The following NF1 variants were observed in gnomAD, a reference collection of about 807,000 sequenced individuals.
NF1 encodes neurofibromin.
In NF1, 122 loss-of-function variants were observed where a neutral mutation model predicts 325.7. That is an observed-to-expected ratio of 0.37 (90% CI 0.32 to 0.44). The LOEUF (loss-of-function observed/expected upper bound fraction) is 0.44. Ranked by LOEUF, NF1 falls within the 20% of genes least tolerant of loss-of-function variation. The pLI is 1.00. For missense variants in NF1, 2,140 were observed against 3,415.4 expected, an observed-to-expected ratio of 0.63 and a Z score of 9.31; for synonymous variants, 1,091 against 1,186.0, an observed-to-expected ratio of 0.92 and a Z score of 1.65.
rs1597858484 is a variant in NF1 at position 31,349,188 on chromosome 17, G to A, written c.7258G>A (p.Val2420Ile). ...VRILHTLLTL[V>I]NKHRNCDKFE... The stretch of plus-strand genomic sequence containing the variant: ...AATTTTACATACACTACTAACTCTG[G>A]TTAACAAACACAGAAATTGTGACAA... Residue 2420 changes from valine (V) to isoleucine (I), a missense_variant, in exon 49 of 58, where the codon GTT becomes ATT. Val to Ile is a conservative substitution (Grantham distance 29). Around this residue, in one of 10 missense-constraint regions of NF1, gnomAD observed 522 missense variants for 749.0 expected, o/e 0.70. Coordinates refer to ENST00000358273, the MANE Select transcript of NF1 (RefSeq NM_001042492.3). 1 of 1,613,348 alleles carries A rather than the reference G, an allele frequency of 6.2e-7. No individual in the cohort carries two copies. Among genetic ancestry groups the A allele is most frequent in the Non-Finnish European group, 8.5e-7 (1 of 1,179,654 alleles).
intron 24 of NF1, 76 bp downstream of exon 24, chr17:31,231,001 T>C: frequency 8.9e-7 from 1 of 1,126,412 alleles, no homozygotes; most frequent in African/African-American, 1.5e-5. Flanking sequence ...AGCTTTATAC[T>C]TGTATTTTGT....
In NF1 at chr17:31,249,027, C is replaced by T. The variant is rs876658268; in HGVS notation, c.4018C>T (p.Leu1340Phe). The change falls in exon 30 of 58, where the codon CTT becomes TTT. Residue 1340 changes from leucine to phenylalanine, a missense_variant. Coordinates refer to ENST00000358273, the MANE Select transcript of NF1 (RefSeq NM_001042492.3). Reference protein sequence around the residue: ...ESLEENQRNLLQMTEKFFHAI... With the variant: ...ESLEENQRNLFQMTEKFFHAI... The stretch of plus-strand genomic sequence containing the variant: ...CCTTGAGGAAAACCAGCGGAACCTC[C>T]TTCAGATGACTGAAAAGTTCTTCCA... The T allele has an allele frequency of 6.2e-7, 1 of 1,614,110 alleles. No individual in the cohort carries two copies. The highest frequency in any genetic ancestry group is 8.5e-7 in the Non-Finnish European group (1 of 1,179,994).
chr17:31,172,717 G>C (rs1021766646), intron 5 of NF1, among the ~76,000 whole-genome samples: 1 of 152,146 alleles, frequency 6.6e-6, no homozygotes, highest in Non-Finnish European at 1.5e-5. Flanking sequence ...CTAGATACTT[G>C]ACTGCTGCAC....
At chr17:31,183,586 T>A (rs1236326036) in intron 8 of NF1, 1 of 152,292 alleles carries the variant, frequency 6.6e-6, no homozygotes. Context: ...AATAGTAGGT[T>A]TGATGATAAA....
At chr17:31,287,144 T>C (rs1339163793) in intron 36 of NF1, among the ~76,000 whole-genome samples, 1 of 152,234 alleles carries the variant, frequency 6.6e-6, no homozygotes, top group Non-Finnish European at 1.5e-5. Flanking sequence ...GAAGCATAAC[T>C]GAAGATGTCA....
Position 31,219,099 on chromosome 17 carries a change from T to G in NF1, c.1622T>G (p.Ile541Ser). The change falls in exon 14 of 58, where the codon ATT (isoleucine) becomes AGT (serine). Residue 541 changes from isoleucine to serine, a missense_variant. Physicochemically the swap from Ile to Ser is moderately radical, Grantham distance 142. Around this residue, in one of 10 missense-constraint regions of NF1, gnomAD observed 179 missense variants for 381.0 expected, o/e 0.47. Coordinates refer to ENST00000358273, the MANE Select transcript of NF1 (RefSeq NM_001042492.3). ...GTCCCTCAGTCACACATGCCAGAGA[T>G]TGCTCAGGAAGCAATGGAGGTAAGG... Reference protein sequence around the residue: ...QLVPQSHMPEIAQEAMEALLV... With the variant: ...QLVPQSHMPESAQEAMEALLV... The G allele has an allele frequency of 6.2e-7, 1 of 1,613,562 alleles. No individual in the cohort carries two copies. The highest frequency in any genetic ancestry group is 8.5e-7 in the Non-Finnish European group (1 of 1,179,798).
At chr17:31,176,665 A>G (rs983920258) in intron 5 of NF1, among the ~76,000 whole-genome samples, 2 of 152,146 alleles carry the variant, frequency 1.3e-5, no homozygotes, top group African/African-American at 2.4e-5. Flanking sequence ...TCTTTAATCT[A>G]TCTTGAGTTA....
intron 25 of NF1, 109 bp downstream of exon 25, chr17:31,232,298 C>T: frequency 2.7e-6 from 2 of 742,556 alleles, no homozygotes; most frequent in Non-Finnish European, 4.7e-6. Context: ...AGGAAAATAA[C>T]TGTGTTTTGT....
chr17:31,181,987 A>G (rs1404878007), intron 7 of NF1, among the ~76,000 whole-genome samples: 1 of 152,148 alleles, frequency 6.6e-6, no homozygotes. Context: ...CTTGGAGCAA[A>G]CAAAGTAGTT....
At chr17:31,306,800 A>T (rs1215625658) in intron 36 of NF1, among the ~76,000 whole-genome samples, 14 of 150,378 alleles carry the variant, frequency 9.3e-5, no homozygotes, top group African/African-American at 2.9e-4. Flanking sequence ...AGGAGATTAA[A>T]AAAAAAAAAA....
intron 13 of NF1, among the ~76,000 whole-genome samples, chr17:31,217,813 A>C (rs2066846458): frequency 6.6e-6 from 1 of 151,322 alleles, no homozygotes; most frequent in African/African-American, 2.4e-5. Flanking sequence ...AATAATGCAA[A>C]AATTAGCTAG....
chr17:31,151,971 G>T (rs1916972989), intron 1 of NF1, among the ~76,000 whole-genome samples: 1 of 152,092 alleles, frequency 6.6e-6, no homozygotes, highest in Admixed American at 6.5e-5. Flanking sequence ...CCATGTTGGT[G>T]TGCTGCACCC....
intron 48 of NF1, among the ~76,000 whole-genome samples, chr17:31,344,843 C>T (rs2069929255): frequency 6.6e-6 from 1 of 152,194 alleles, no homozygotes; most frequent in South Asian, 2.1e-4. Context: ...GAGGCTGAGG[C>T]AGGTGGATTG....
At position 31,305,723 on chromosome 17, in the gene NF1, G is replaced by A. The variant is rs929550361; in HGVS notation, c.4836-20097G>A. On this transcript the variant is annotated intron_variant, in intron 36 of 57. Transcript: ENST00000358273. ...TTTTCATTATGATTCCTGGCATAAAGTAGGTAGACATTATTCCTAATTAGT... is the reference window on the plus strand; with the variant it reads ...TTTTCATTATGATTCCTGGCATAAAATAGGTAGACATTATTCCTAATTAGT... 2.3e-5 allele frequency: 24 copies of A among 1,058,442 alleles called. No individual in the cohort carries two copies. In the African/African-American group the frequency reaches 3.5e-4, roughly 16 times the overall value. The allele number at this position is 1,058,442 out of a possible 1,614,324, so 65.6% of individuals were successfully genotyped here. A position where few individuals can be genotyped will look rare whatever the true frequency, so the allele number is the denominator to read the frequency against.
At chr17:31,140,859 AATACT>A (rs1309837650) in intron 1 of NF1, among the ~76,000 whole-genome samples, 4 of 152,232 alleles carry the variant, frequency 2.6e-5, no homozygotes, top group African/African-American at 9.6e-5. Flanking sequence ...CAAAAAGAAA[AATACT>A]ATATAATCTC....
chr17:31,186,921 A>T (rs1036760412), intron 8 of NF1, among the ~76,000 whole-genome samples: 2 of 152,208 alleles, frequency 1.3e-5, no homozygotes, highest in Admixed American at 6.5e-5. Flanking sequence ...TTGATATGAC[A>T]TCATTCCTCA....
intron 31 of NF1, among the ~76,000 whole-genome samples, chr17:31,255,195 T>C (rs924622998): frequency 1.3e-5 from 2 of 152,196 alleles, no homozygotes; most frequent in East Asian, 1.9e-4. Flanking sequence ...CTTGCTGAAG[T>C]GTAGTTTATG....
chr17:31,111,215 GA>G (rs572424324), intron 1 of NF1, among the ~76,000 whole-genome samples: 3,159 of 135,146 alleles, frequency 0.023, 61 homozygotes, highest in African/African-American at 0.046. Flanking sequence ...TAAAAGCACA[GA>G]AAAAAAAAAA....
rs568639040 is a variant in NF1, at chr17:31,292,362, G to C, written c.4835+27023G>C. Among the ~76,000 whole-genome samples, 23 of 152,116 alleles carry C rather than the reference G, an allele frequency of 1.5e-4. 1 individual carries two copies. Among genetic ancestry groups the C allele is most frequent in the Non-Finnish European group, 3.4e-4 (23 of 68,016 alleles). On this transcript the variant is annotated intron_variant, in intron 36 of 57. Transcript: ENST00000358273. ...AGTAATACTTAGTGGCAAATAATGA[G>C]CCTTTTTCCATTAATAATAAGAATA...
Sources: gnomAD v4.1 joint callset for allele counts (sites outside exome capture counted in the v4.1 genomes callset) on GRCh38, gnomAD v4.1.1 for gene constraint, gnomAD v4.1.1 regional missense constraint, MANE v1.5 for transcripts, NCBI Gene and HGNC (gene_info 2026-07-23, HGNC 2026-07-21) for gene names.